SPATA21: variants seen among roughly 807,000 people sequenced by gnomAD.
The protein encoded by SPATA21 is spermatogenesis associated 21, also known as spermatogenesis-associated protein 21.
A neutral mutation model predicts 54.8 loss-of-function variants in SPATA21; 47 were observed. The ratio of observed to expected loss-of-function variants is 0.86; its 90% confidence interval spans 0.68 to 1.09. The LOEUF (loss-of-function observed/expected upper bound fraction) is 1.09. Ranked by LOEUF, SPATA21 falls within the 50% of genes least tolerant of loss-of-function variation. The probability of loss-of-function intolerance (pLI) is 0.00; values close to 1 mark genes in which losing one functional copy is unlikely to be tolerated. For missense variants in SPATA21, 599 were observed against 596.4 expected (o/e 1.00, Z -0.05); for synonymous variants, 245 against 235.3 (o/e 1.04, Z -0.38).
rs148783526 is a variant in SPATA21 at position 16,399,369 on chromosome 1, A to G, written c.1327T>C (p.Phe443Leu). 8.7e-6 allele frequency: 14 copies of G among 1,613,522 alleles called. No homozygotes were observed. Among genetic ancestry groups the G allele is most frequent in the African/African-American group, 5.3e-5 (4 of 74,884 alleles). ...GLDPDIRSPF[F>L]QSGSQGNREH... ...CTGTTTCCTTGAGATCCTGACTGGA[A>G]GAAGGGGCTGCGGATGTCAGGATCC... Residue 443 changes from phenylalanine (F) to leucine (L), a missense_variant, in exon 12 of 13, where the codon TTC (phenylalanine) becomes CTC (leucine). By Grantham distance (22) the Phe-to-Leu change is conservative. Coordinates refer to ENST00000335496, the MANE Select transcript of SPATA21 (RefSeq NM_198546.1).
intron 5 of SPATA21, among the ~76,000 whole-genome samples, chr1:16,412,375 C>A (rs2085876598): frequency 6.6e-6 from 1 of 152,214 alleles, no homozygotes; most frequent in Admixed American, 6.5e-5. Flanking sequence ...CTTCATGACA[C>A]CACTGGTGGC....
chr1:16,431,739 C>G (rs570724281), intron 2 of SPATA21, among the ~76,000 whole-genome samples: 2 of 152,168 alleles, frequency 1.3e-5, no homozygotes, highest in Non-Finnish European at 2.9e-5. Context: ...GGCGCTTTCC[C>G]CGACGGCGAC....
intron 7 of SPATA21, chr1:16,408,602 G>A (rs920617417): frequency 1.7e-4 from 149 of 894,606 alleles, no homozygotes; most frequent in Non-Finnish European, 1.9e-4. Context: ...GCTGGGCGCG[G>A]TGGCTCACGC....
intron 10 of SPATA21, among the ~76,000 whole-genome samples, chr1:16,401,192 T>C (rs1477874616): frequency 6.6e-6 from 1 of 152,200 alleles, no homozygotes; most frequent in East Asian, 1.9e-4. Flanking sequence ...ACAGTTCACA[T>C]GCCGTAGGAT....
intron 3 of SPATA21, chr1:16,422,176 T>A: frequency 6.9e-7 from 1 of 1,440,918 alleles, no homozygotes. Context: ...TGACTGGGGG[T>A]GGATTGATAT....
chr1:16,399,118 G>C (rs563222077), intron 12 of SPATA21, among the ~76,000 whole-genome samples: 32 of 152,342 alleles, frequency 2.1e-4, no homozygotes, highest in African/African-American at 7.5e-4. Context: ...CTGAGTCCTG[G>C]ACACAGGAAA....
At chr1:16,404,140 A>T in intron 8 of SPATA21, 101 bp from the exon 9 acceptor site, 1 of 966,246 alleles carries the variant, frequency 1.0e-6, no homozygotes, top group Non-Finnish European at 1.6e-6. Context: ...GGGTCTGATT[A>T]TCAAGCAGTG....
At chr1:16,425,478 T>G (rs1261774742) in intron 3 of SPATA21, 1 of 1,534,656 alleles carries the variant, frequency 6.5e-7, no homozygotes, top group Non-Finnish European at 8.8e-7. Flanking sequence ...TCACCTCCTC[T>G]GTGGTAGGTC....
intron 5 of SPATA21, among the ~76,000 whole-genome samples, chr1:16,418,078 G>A (rs1370196685): frequency 1.3e-5 from 2 of 152,144 alleles, no homozygotes; most frequent in South Asian, 2.1e-4. Flanking sequence ...GGCCCTCCCC[G>A]GCTTTCCTTG....
At chr1:16,423,382 C>T (rs895166323) in intron 3 of SPATA21, among the ~76,000 whole-genome samples, 6 of 138,784 alleles carry the variant, frequency 4.3e-5, no homozygotes, top group African/African-American at 8.0e-5. Flanking sequence ...CCCTGCACTC[C>T]AGCCTGGGCA....
At chr1:16,426,980 T>C (rs1272304282) in intron 3 of SPATA21, among the ~76,000 whole-genome samples, 1 of 152,146 alleles carries the variant, frequency 6.6e-6, no homozygotes, top group Non-Finnish European at 1.5e-5. Context: ...ATTAAATGTA[T>C]AAAATTCCAT....
chr1:16,427,906 G>A (rs1250252587), intron 3 of SPATA21: 8 of 1,550,040 alleles, frequency 5.2e-6, no homozygotes, highest in Non-Finnish European at 7.0e-6. Flanking sequence ...TCTGAGCTCT[G>A]AAGGCCCCTT....
intron 5 of SPATA21, among the ~76,000 whole-genome samples, chr1:16,414,349 G>T (rs1342634347): frequency 6.6e-6 from 1 of 152,076 alleles, no homozygotes; most frequent in Non-Finnish European, 1.5e-5. Context: ...GATTACAGGC[G>T]TGAGCCACCG....
At position 16,411,097 on chromosome 1, in the gene SPATA21, G is replaced by A. The variant is rs2100822156; in HGVS notation, c.145-1054C>T. Among the ~76,000 whole-genome samples the A allele has an allele frequency of 3.9e-5, 6 of 152,200 alleles. 1 individual carries two copies. In the Middle Eastern group the frequency reaches 0.017, roughly 431 times the overall value. ...GGCTTTTCTCCCAATCAAAGACACT[G>A]TGCTTACCACACACTCTCTCTTCCT... On this transcript the variant is annotated intron_variant, in intron 5 of 12. Coordinates refer to ENST00000335496, the MANE Select transcript of SPATA21 (RefSeq NM_198546.1).
intron 3 of SPATA21, among the ~76,000 whole-genome samples, chr1:16,429,172 T>C (rs1570212679): frequency 6.6e-6 from 1 of 151,956 alleles, no homozygotes; most frequent in South Asian, 2.1e-4. Flanking sequence ...TTTTTTTTTC[T>C]TTTCCTTTTT....
intron 3 of SPATA21, among the ~76,000 whole-genome samples, chr1:16,426,011 G>C (rs956288270): frequency 6.6e-6 from 1 of 151,980 alleles, no homozygotes; most frequent in Admixed American, 6.6e-5. Context: ...GCCTCCCAAA[G>C]TGCTGGGATT....
At chr1:16,431,453 C>G (rs1269986327) in intron 2 of SPATA21, 31 bp from the exon 3 acceptor site, 1 of 1,583,782 alleles carries the variant, frequency 6.3e-7, no homozygotes, top group East Asian at 2.2e-5. Context: ...AGCGTCCCAC[C>G]AAGCCCATCA....
At chr1:16,424,225 A>C (rs1393912585) in intron 3 of SPATA21, among the ~76,000 whole-genome samples, 4 of 107,310 alleles carry the variant, frequency 3.7e-5, no homozygotes, top group Admixed American at 1.0e-4. Flanking sequence ...AGGCAGGAGA[A>C]TGGCATGAAC....
chr1:16,400,920 G>A (rs1479676423), intron 10 of SPATA21, 28 bp from the exon 11 acceptor site: 1 of 1,601,956 alleles, frequency 6.2e-7, no homozygotes, highest in African/African-American at 1.3e-5. Flanking sequence ...ACCCATCTCA[G>A]CCTGGCTGTG....
Sources: gnomAD v4.1 joint callset for allele counts (sites outside exome capture counted in the v4.1 genomes callset) on GRCh38, gnomAD v4.1.1 for gene constraint, MANE v1.5 for transcripts, NCBI Gene and HGNC (gene_info 2026-07-23, HGNC 2026-07-21) for gene names.